FLCN: variants seen among roughly 807,000 people sequenced by gnomAD.
The protein encoded by FLCN is folliculin, also known as BHD skin lesion fibrofolliculoma protein.
A neutral mutation model predicts 62.5 loss-of-function variants in FLCN; 22 were observed. The ratio of observed to expected loss-of-function variants is 0.35; its 90% CI spans 0.25 to 0.50. The LOEUF (loss-of-function observed/expected upper bound fraction) is 0.50. Among genes scored for constraint, FLCN ranks in the 20% least tolerant of loss-of-function variants. FLCN has a pLI of 0.97. For synonymous variants in FLCN, 319 were observed against 310.0 expected (o/e 1.03, Z -0.30); for missense variants, 657 against 778.0 (o/e 0.84, Z 1.85).
intron 3 of FLCN, 137 bp from the exon 4 acceptor site, chr17:17,228,298 C>A (rs1290338972): frequency 1.9e-6 from 2 of 1,069,804 alleles, no homozygotes; most frequent in African/African-American, 1.6e-5. Context: ...AGTTCCCCAG[C>A]CCCCTGCCAG....
rs775563228 is a variant in FLCN at position 17,221,352 on chromosome 17, G to A, written c.871+185C>T. 1.7e-5 allele frequency: 27 copies of A among 1,589,906 alleles called. No homozygotes were observed. The African/African-American group carries it at 2.0e-4, about 12-fold the overall frequency. ...TTCACATGGCGGTCAAGGCAAACGA[G>A]ACAGGAAATCACAACAATCACAACA... On this transcript the variant is annotated intron_variant, in intron 8 of 13. Transcript: ENST00000285071.
chr17:17,213,311 G>A lies in FLCN; in HGVS notation c.*344C>T, dbSNP rs554190238. Reference sequence around the variant, plus strand: ...AGACATGTTATTGCGACTGCATACTGAGTCGGACCTGTTTCTCCTGCGGGT... The same window carrying A: ...AGACATGTTATTGCGACTGCATACTAAGTCGGACCTGTTTCTCCTGCGGGT... On this transcript the variant is annotated 3_prime_UTR_variant, in exon 14 of 14. Transcript: ENST00000285071. 3 of 481,082 alleles carry A rather than the reference G, an allele frequency of 6.2e-6. No homozygotes were observed. The highest frequency in any genetic ancestry group is 7.7e-6 in the Non-Finnish European group (2 of 260,330). 29.8% of individuals were successfully genotyped at this position (481,082 alleles called of 1,614,324 possible).
chr17:17,222,366 A>G (rs1048442627), intron 7 of FLCN, 135 bp downstream of exon 7: 8 of 1,273,220 alleles, frequency 6.3e-6, no homozygotes, highest in Non-Finnish European at 8.8e-6. Flanking sequence ...ACAAGTGCCC[A>G]CAGGCCAGTG....
At chr17:17,230,699 C>T (rs1042854831) in intron 3 of FLCN, among the ~76,000 whole-genome samples, 1 of 146,466 alleles carries the variant, frequency 6.8e-6, no homozygotes, top group African/African-American at 2.6e-5. Context: ...GCACTCCAGC[C>T]TTTATGACAG....
intron 5 of FLCN, chr17:17,225,002 T>C: frequency 6.6e-6 from 1 of 152,512 alleles, no homozygotes. Flanking sequence ...CCACACTGAA[T>C]GAGAACAGTA....
At chr17:17,224,889 T>TA (rs2047204832) in intron 5 of FLCN, 1 of 153,712 alleles carries the variant, frequency 6.5e-6, no homozygotes, top group African/African-American at 2.4e-5. Flanking sequence ...ATTACATACT[T>TA]ACTCTTCCTT....
rs2046806575 is a variant in FLCN, at chr17:17,213,344, C to CT, written c.*310dup. 1 of 520,192 alleles carries CT rather than the reference C, an allele frequency of 1.9e-6. No homozygotes were observed. Among genetic ancestry groups the CT allele is most frequent in the Admixed American group, 3.2e-5 (1 of 31,408 alleles). 32.2% of individuals were successfully genotyped at this position (520,192 alleles called of 1,614,324 possible). A position where few individuals can be genotyped will look rare whatever the true frequency, so the allele number is the denominator to read the frequency against. ...CCTGTTTCTCCTGCGGGTTTTGAGT[C>CT]TAAGTCCACAAGGGGCCTGGGAGGC... is the stretch of plus-strand genomic sequence containing the variant. On this transcript the variant is annotated 3_prime_UTR_variant, in exon 14 of 14. Coordinates refer to ENST00000285071, the MANE Select transcript of FLCN (RefSeq NM_144997.7).
rs771056209 is a variant in FLCN at position 17,227,980 on chromosome 17, T to C, written c.158A>G (p.Gln53Arg). Residue 53 changes from glutamine to arginine, a missense_variant, in exon 4 of 14, where the codon CAG (glutamine) becomes CGG (arginine). Coordinates refer to ENST00000285071, the MANE Select transcript of FLCN (RefSeq NM_144997.7). ...GTGCGCACGCATCCGACTGTTCATC[T>C]GAATGCCACCTTCCTCTTCTTCCGC... ...EQAEEEEGGIQMNSRMRAHSP... is the reference protein window; with the variant it reads ...EQAEEEEGGIRMNSRMRAHSP... The C allele has an allele frequency of 6.2e-7, 1 of 1,614,180 alleles. No individual in the cohort carries two copies. Among genetic ancestry groups the C allele is most frequent in the Non-Finnish European group, 8.5e-7 (1 of 1,180,050 alleles).
In FLCN at chr17:17,216,479, G is replaced by A. The variant is rs143183215; in HGVS notation, c.1201C>T (p.Arg401Cys). ...TACTGGCTGCTGTATGGGATGATGC[G>A]GACGCAGCCCACGGGAAGCATGGTC... ...LRTMLPVGCV[R>C]IIPYSSQYEE... The change falls in exon 11 of 14, where the codon CGC becomes TGC. Residue 401 changes from arginine (R) to cysteine (C), a missense_variant. By Grantham distance (180) the Arg-to-Cys change is radical. Transcript: ENST00000285071. This position sits in a 1 kb window ranked among gnomAD's most constrained non-coding sequence, Gnocchi z 4.0. 7.3e-5 allele frequency: 118 copies of A among 1,613,826 alleles called. No individual in the cohort carries two copies. In the African/African-American group the frequency reaches 9.7e-4, roughly 13 times the overall value.
At position 17,222,476 on chromosome 17, in the gene FLCN, T is replaced by C. The variant is rs767761199; in HGVS notation, c.779+25A>G. 2.5e-6 allele frequency: 4 copies of C among 1,614,028 alleles called. No individual in the cohort carries two copies. In the South Asian group the frequency reaches 3.3e-5, roughly 13 times the overall value. On this transcript the variant is annotated intron_variant, in intron 7 of 13. Coordinates refer to ENST00000285071, the MANE Select transcript of FLCN (RefSeq NM_144997.7). ...CGTGACTGCTCTATCCTAACAGATA[T>C]GCCAAAAGCAGAGACGCCCGTTACC...
intron 9 of FLCN, 132 bp downstream of exon 9, chr17:17,218,887 A>C: frequency 2.9e-6 from 3 of 1,022,956 alleles, no homozygotes; most frequent in Non-Finnish European, 4.3e-6. Context: ...TCAGCCACCC[A>C]CCGAGGAGGC....
rs142928357 is a variant in FLCN, at chr17:17,219,976, T to C, written c.872-767A>G. ...AGTAATATGCCCAGATAGTATCCAA[T>C]AGAAAGCATTTCAGCCCTTCCTCCC... On this transcript the variant is annotated intron_variant, in intron 8 of 13. Transcript: ENST00000285071. 7 of 152,348 alleles carry C rather than the reference T, an allele frequency of 4.6e-5. No individual in the cohort carries two copies. The East Asian group carries it at 1.3e-3, about 29-fold the overall frequency. The allele number at this position is 152,348 out of a possible 1,614,324, so 9.4% of individuals were successfully genotyped here.
Position 17,228,041 on chromosome 17 carries a change from C to G in FLCN, c.97G>C (p.Asp33His), listed in dbSNP as rs386833401. The change falls in exon 4 of 14, where the codon GAT becomes CAT. Residue 33 changes from aspartate to histidine, a missense_variant. Coordinates refer to ENST00000285071, the MANE Select transcript of FLCN (RefSeq NM_144997.7). ...EVLHAPLPQGDGNEDSPGQGE... is the reference protein window; with the variant it reads ...EVLHAPLPQGHGNEDSPGQGE... ...TGGCCAGGACTGTCCTCATTCCCAT[C>G]CCCTTGAGGAAGTGGGGCGTGCAGC... 5 of 1,613,926 alleles carry G rather than the reference C, an allele frequency of 3.1e-6. 1 individual carries two copies. The South Asian group carries it at 5.5e-5, about 18-fold the overall frequency.
In FLCN at chr17:17,228,274, A is replaced by G. The variant is rs2047320649; in HGVS notation, c.-24-113T>C. 16 of 1,342,534 alleles carry G rather than the reference A, an allele frequency of 1.2e-5. No homozygotes were observed. The South Asian group carries it at 2.2e-4, about 18-fold the overall frequency. The allele number at this position is 1,342,534 out of a possible 1,614,324, so 83.2% of individuals were successfully genotyped here. A position where few individuals can be genotyped will look rare whatever the true frequency, so the allele number is the denominator to read the frequency against. On this transcript the variant is annotated intron_variant, in intron 3 of 13. Transcript: ENST00000285071. Reference sequence around the variant, plus strand: ...GGGTGCCATGGACTTCCTGCCCAGGAGAGGCCACCCGCCAGTTCCCCAGCC... The same window carrying G: ...GGGTGCCATGGACTTCCTGCCCAGGGGAGGCCACCCGCCAGTTCCCCAGCC...
intron 13 of FLCN, 102 bp downstream of exon 13, chr17:17,214,883 G>T (rs952953790): frequency 2.4e-6 from 3 of 1,252,838 alleles, no homozygotes; most frequent in African/African-American, 2.9e-5. Flanking sequence ...CTCTTCTCTC[G>T]GCTCCTCCCT....
At chr17:17,214,414 T>C (rs935458211) in intron 13 of FLCN, among the ~76,000 whole-genome samples, 1 of 151,398 alleles carries the variant, frequency 6.6e-6, no homozygotes, top group African/African-American at 2.4e-5. Context: ...GCCAACATGC[T>C]AAAACCCTGT....
intron 6 of FLCN, chr17:17,222,922 CA>C (rs1403919939): frequency 2.0e-6 from 1 of 500,266 alleles, no homozygotes; most frequent in East Asian, 3.8e-5. Context: ...CCAAGGCACC[CA>C]GGGGGATTCT....
At chr17:17,214,939 T>C (rs1264782250) in intron 13 of FLCN, 46 bp downstream of exon 13, 1 of 1,592,846 alleles carries the variant, frequency 6.3e-7, no homozygotes. Flanking sequence ...CTCCAGGTTT[T>C]CTCCAGGGTC....
chr17:17,235,998 C>A (rs996241584), intron 1 of FLCN: 3 of 152,226 alleles, frequency 2.0e-5, no homozygotes, highest in African/African-American at 7.2e-5. Flanking sequence ...CCGTGGTGCG[C>A]CCTGGCCCTA....
Sources: gnomAD v4.1 joint callset for allele counts (sites outside exome capture counted in the v4.1 genomes callset) on GRCh38, gnomAD v4.1.1 for gene constraint, Gnocchi (gnomAD v3.1) non-coding constraint, MANE v1.5 for transcripts, NCBI Gene and HGNC (gene_info 2026-07-23, HGNC 2026-07-21) for gene names.